Variants in SUCLG2 observed in about 807,000 individuals in gnomAD.
SUCLG2 encodes the protein succinate-CoA ligase GDP-forming subunit beta.
In SUCLG2, 42 loss-of-function variants were observed where a neutral mutation model predicts 47.9. The observed-to-expected ratio is 0.88, with a 90% CI of 0.69 to 1.14. The LOEUF (loss-of-function observed/expected upper bound fraction) is 1.14, where lower values mean the gene tolerates loss of function less well. Ranked by LOEUF, SUCLG2 falls within the 50% of genes most tolerant of loss-of-function variation. The pLI, the probability that SUCLG2 is intolerant of heterozygous loss-of-function variation, is 0.00. For synonymous variants in SUCLG2, 195 were observed against 197.3 expected, an observed-to-expected ratio of 0.99 and a Z score of 0.10; for missense variants, 571 against 525.9, an observed-to-expected ratio of 1.09 and a Z score of -0.84.
chr3:67,510,090 G>T (rs1705746970), intron 6 of SUCLG2, among the ~76,000 whole-genome samples: 1 of 152,222 alleles, frequency 6.6e-6, no homozygotes. Flanking sequence ...ACAAGGTCCA[G>T]TAACACCACT....
Position 67,363,578 on chromosome 3 carries a change from A to G in SUCLG2, c.1184-2810T>C, listed in dbSNP as rs1210689563. Among the ~76,000 whole-genome samples, 5 of 152,340 alleles carry G rather than the reference A, an allele frequency of 3.3e-5. No individual in the cohort carries two copies. In the East Asian group the frequency reaches 9.7e-4, roughly 29 times the overall value. On this transcript the variant is annotated intron_variant, in intron 10 of 10. Transcript: ENST00000493112. ...ATAAAACAAATCTATCCATCTCTCTATCTAGGCATTGAAAAATCAATGAAA... is the reference window on the plus strand; with the variant it reads ...ATAAAACAAATCTATCCATCTCTCTGTCTAGGCATTGAAAAATCAATGAAA...
intron 10 of SUCLG2, among the ~76,000 whole-genome samples, chr3:67,391,966 C>G (rs978641163): frequency 4.6e-5 from 7 of 152,170 alleles, no homozygotes; most frequent in African/African-American, 7.2e-5. Context: ...TGAGGTCGTT[C>G]TGTTGCTGCT....
At chr3:67,606,166 C>A (rs1247597171) in intron 2 of SUCLG2, among the ~76,000 whole-genome samples, 1 of 152,158 alleles carries the variant, frequency 6.6e-6, no homozygotes, top group Non-Finnish European at 1.5e-5. Flanking sequence ...GATTACACCA[C>A]TGCACTCCAG....
intron 2 of SUCLG2, among the ~76,000 whole-genome samples, chr3:67,571,433 G>T (rs529857708): frequency 6.6e-6 from 1 of 152,140 alleles, no homozygotes; most frequent in African/African-American, 2.4e-5. Flanking sequence ...ACAACTCTTG[G>T]AGTAGTGAGA....
chr3:67,469,127 C>T (rs908958915), intron 9 of SUCLG2, among the ~76,000 whole-genome samples: 4 of 152,136 alleles, frequency 2.6e-5, no homozygotes, highest in Non-Finnish European at 4.4e-5. Flanking sequence ...GATTAGTAAC[C>T]AAATTAAAGC....
At chr3:67,430,401 A>G (rs1319907312) in intron 9 of SUCLG2, among the ~76,000 whole-genome samples, 2 of 152,190 alleles carry the variant, frequency 1.3e-5, no homozygotes, top group East Asian at 1.9e-4. Flanking sequence ...TTTGAAACCA[A>G]TGAGAACAAA....
intron 9 of SUCLG2, among the ~76,000 whole-genome samples, chr3:67,429,309 A>G (rs1703412349): frequency 6.6e-6 from 1 of 152,222 alleles, no homozygotes; most frequent in African/African-American, 2.4e-5. Flanking sequence ...ACATTCTTAA[A>G]GAAAAGAATT....
At chr3:67,368,217 C>A (rs1227381769) in intron 10 of SUCLG2, among the ~76,000 whole-genome samples, 6 of 152,148 alleles carry the variant, frequency 3.9e-5, no homozygotes, top group Non-Finnish European at 8.8e-5. Flanking sequence ...AAAATTTCTT[C>A]TCCTCTGCAT....
chr3:67,520,493 G>C lies in SUCLG2; in HGVS notation c.559C>G (p.Leu187Val). 3 of 1,614,052 alleles carry C rather than the reference G, an allele frequency of 1.9e-6. No homozygotes were observed. The highest frequency in any genetic ancestry group is 2.2e-5 in the East Asian group (1 of 44,872). ...IEEVAASNPE[L>V]IFKEQIDIFE... is the part of the protein sequence containing the mutation. Reference sequence around the variant, plus strand: ...GAATTTAAACATACCTTAAAAATGAGCTCCGGGTTTGAAGCAGCCACCTCT... The same window carrying C: ...GAATTTAAACATACCTTAAAAATGACCTCCGGGTTTGAAGCAGCCACCTCT... Residue 187 changes from leucine (L) to valine (V), a missense_variant, in exon 5 of 11, where the codon CTC becomes GTC. Coordinates refer to ENST00000307227, the MANE Select transcript of SUCLG2 (RefSeq NM_003848.4).
chr3:67,492,045 T>G (rs1044203862), intron 9 of SUCLG2, among the ~76,000 whole-genome samples: 1 of 152,206 alleles, frequency 6.6e-6, no homozygotes, highest in Non-Finnish European at 1.5e-5. Context: ...TCAACTTGTC[T>G]TTGGTGCTTA....
chr3:67,607,562 C>T (rs981958675), intron 2 of SUCLG2, among the ~76,000 whole-genome samples: 17 of 152,058 alleles, frequency 1.1e-4, no homozygotes, highest in Non-Finnish European at 2.4e-4. Flanking sequence ...GGGATGCTCA[C>T]TGAAAGGCAG....
At chr3:67,603,891 T>G (rs1472374062) in intron 2 of SUCLG2, among the ~76,000 whole-genome samples, 1 of 152,200 alleles carries the variant, frequency 6.6e-6, no homozygotes, top group African/African-American at 2.4e-5. Flanking sequence ...AATGATCTGT[T>G]GACTGTATTC....
chr3:67,425,510 G>A (rs1216360655), intron 9 of SUCLG2, among the ~76,000 whole-genome samples: 1 of 152,104 alleles, frequency 6.6e-6, no homozygotes, highest in Non-Finnish European at 1.5e-5. Context: ...TCTGTTGGGG[G>A]CCTAAGCATA....
Position 67,506,098 on chromosome 3 carries a change from C to A in SUCLG2, c.757+2709G>T, listed in dbSNP as rs143026309. ...TCAAAGTTTCAATGTGGAAATTTTA[C>A]CGTGAAATGTTCTGCTACTACTGAT... On this transcript the variant is annotated intron_variant, in intron 7 of 10. Coordinates refer to ENST00000307227, the MANE Select transcript of SUCLG2 (RefSeq NM_003848.4). Among the ~76,000 whole-genome samples the A allele has an allele frequency of 4.5e-3, 687 of 152,212 alleles. 8 individuals are homozygous for A. The East Asian group carries it at 0.054, about 12-fold the overall frequency.
intron 9 of SUCLG2, among the ~76,000 whole-genome samples, chr3:67,467,027 A>G (rs1000375984): frequency 1.3e-4 from 20 of 152,246 alleles, no homozygotes; most frequent in Admixed American, 1.2e-3. Context: ...AAGTAGGAAT[A>G]TTTAATTTGT....
At position 67,529,074 on chromosome 3, in the gene SUCLG2, C is replaced by T. The variant is rs1232697041; in HGVS notation, c.326+13G>A. 1 of 1,597,142 alleles carries T rather than the reference C, an allele frequency of 6.3e-7. No individual in the cohort carries two copies. Among genetic ancestry groups the T allele is most frequent in the African/African-American group, 1.3e-5 (1 of 74,088 alleles). On this transcript the variant is annotated intron_variant, in intron 3 of 10. Transcript: ENST00000307227. ...TTGGCCAAAAGACAAGGAATAACAA[C>T]CTCCAGACTTACTCTTTTGTTAAAT...
intron 2 of SUCLG2, among the ~76,000 whole-genome samples, chr3:67,578,329 T>C (rs1029374019): frequency 5.3e-5 from 8 of 149,886 alleles, no homozygotes; most frequent in South Asian, 4.2e-4. Flanking sequence ...TAAAGCCTAT[T>C]CTATATCCAA....
chr3:67,471,375 T>C (rs929522059), intron 9 of SUCLG2, among the ~76,000 whole-genome samples: 1 of 152,148 alleles, frequency 6.6e-6, no homozygotes, highest in Non-Finnish European at 1.5e-5. Flanking sequence ...ACAGAATAAC[T>C]GGGTTGAGGG....
chr3:67,416,767 A>G (rs1326491789), intron 9 of SUCLG2, among the ~76,000 whole-genome samples: 11 of 152,214 alleles, frequency 7.2e-5, no homozygotes, highest in Non-Finnish European at 1.2e-4. Context: ...ATTTCATAAT[A>G]AAATCTACTT....
Sources: gnomAD v4.1 joint callset for allele counts (sites outside exome capture counted in the v4.1 genomes callset) on GRCh38, gnomAD v4.1.1 for gene constraint, MANE v1.5 for transcripts, NCBI Gene and HGNC (gene_info 2026-07-23, HGNC 2026-07-21) for gene names.